FBXO21: variants seen among roughly 807,000 people sequenced by gnomAD.
The protein encoded by FBXO21 is F-box only protein 21.
FBXO21 carries 32 observed loss-of-function variants against 76.6 expected under a neutral mutation model. The ratio of observed to expected loss-of-function variants is 0.42; its 90% CI spans 0.32 to 0.56. The LOEUF (loss-of-function observed/expected upper bound fraction) is 0.56, where lower values mean the gene tolerates loss of function less well. Ranked by LOEUF, FBXO21 falls within the 20% of genes least tolerant of loss-of-function variation. The probability of loss-of-function intolerance (pLI) is 0.16; values close to 1 mark genes in which losing one functional copy is unlikely to be tolerated. For missense variants in FBXO21, 586 were observed against 797.3 expected (o/e 0.73, Z 3.19); for synonymous variants, 328 against 311.5 (o/e 1.05, Z -0.56).
At chr12:117,166,617 C>CA (rs1956056660) in intron 8 of FBXO21, among the ~76,000 whole-genome samples, 1 of 152,178 alleles carries the variant, frequency 6.6e-6, no homozygotes, top group Non-Finnish European at 1.5e-5. Context: ...GACTTAGAAA[C>CA]AAGACAGTTT....
rs371485880 is a variant in FBXO21 at position 117,146,035 on chromosome 12, G to A, written c.*52C>T. 88 of 1,455,402 alleles carry A rather than the reference G, an allele frequency of 6.0e-5. No homozygotes were observed. Among genetic ancestry groups the A allele is most frequent in the Non-Finnish European group, 7.4e-5 (80 of 1,083,912 alleles). 90.2% of individuals were successfully genotyped at this position (1,455,402 alleles called of 1,614,324 possible). A position where few individuals can be genotyped will look rare whatever the true frequency, so the allele number is the denominator to read the frequency against. ...TGGAGACGTCTTCTTCCGGAGTCCCGTTCTCTTGGAAGATAGCAGCAGCAG... is the reference window on the plus strand; with the variant it reads ...TGGAGACGTCTTCTTCCGGAGTCCCATTCTCTTGGAAGATAGCAGCAGCAG... On this transcript the variant is annotated 3_prime_UTR_variant, in exon 12 of 12. Transcript: ENST00000622495.
chr12:117,186,849 G>A (rs1444761539), intron 2 of FBXO21, among the ~76,000 whole-genome samples: 2 of 152,164 alleles, frequency 1.3e-5, no homozygotes, highest in African/African-American at 2.4e-5. Flanking sequence ...AGCTCTGGCC[G>A]GCCATAGTGG....
chr12:117,189,447 C>A (rs1400594188), intron 1 of FBXO21, 85 bp from the exon 2 acceptor site: 3 of 1,502,066 alleles, frequency 2.0e-6, no homozygotes, highest in Non-Finnish European at 2.8e-6. Context: ...GAAACAGGGA[C>A]AGCAGTGGCG....
intron 9 of FBXO21, among the ~76,000 whole-genome samples, chr12:117,162,212 A>T (rs1565999298): frequency 6.6e-6 from 1 of 152,170 alleles, no homozygotes; most frequent in Non-Finnish European, 1.5e-5. Flanking sequence ...AAAGGAAGAG[A>T]AAGAGGGAAA....
At chr12:117,154,673 C>G (rs1387262465) in intron 11 of FBXO21, among the ~76,000 whole-genome samples, 1 of 152,204 alleles carries the variant, frequency 6.6e-6, no homozygotes, top group African/African-American at 2.4e-5. Flanking sequence ...GTTGCCCAGG[C>G]TGGTCTCCAA....
At chr12:117,147,730 T>C (rs1347942251) in intron 11 of FBXO21, among the ~76,000 whole-genome samples, 5 of 152,334 alleles carry the variant, frequency 3.3e-5, no homozygotes, top group Non-Finnish European at 4.4e-5. Context: ...TGCGCCCTTC[T>C]TTGCCGCCCA....
chr12:117,155,794 G>C lies in FBXO21; in HGVS notation c.1672C>G (p.Gln558Glu), dbSNP rs1347154846. Residue 558 changes from glutamine (Q) to glutamate (E), a missense_variant, in exon 11 of 12, where the codon CAA becomes GAA. Around this residue, in one of 6 missense-constraint regions of FBXO21, gnomAD observed 164 missense variants for 236.7 expected, o/e 0.69. Coordinates refer to ENST00000622495, the MANE Select transcript of FBXO21 (RefSeq NM_015002.3). ...VEDGSCRYAA[Q>E]ENLEYNVEPQ... ...ACAAGCGGAACCCGCCGCTTACCTT[G>C]GGCTGCGTATCGACAGGAGCCGTCC... 6.2e-7 allele frequency: 1 copy of C among 1,613,000 alleles called. No homozygotes were observed. Among genetic ancestry groups the C allele is most frequent in the Non-Finnish European group, 8.5e-7 (1 of 1,179,500 alleles).
At chr12:117,188,108 G>C (rs953700548) in intron 2 of FBXO21, among the ~76,000 whole-genome samples, 1 of 152,082 alleles carries the variant, frequency 6.6e-6, no homozygotes, top group African/African-American at 2.4e-5. Context: ...GGAGTCTTTA[G>C]GAAAACAAAA....
chr12:117,165,272 C>A (rs1288413651), intron 9 of FBXO21, among the ~76,000 whole-genome samples: 1 of 151,950 alleles, frequency 6.6e-6, no homozygotes, highest in Non-Finnish European at 1.5e-5. Flanking sequence ...AAGGAGCTGA[C>A]CACAAAGAGA....
chr12:117,164,627 T>A (rs938161696), intron 9 of FBXO21, among the ~76,000 whole-genome samples: 1 of 152,174 alleles, frequency 6.6e-6, no homozygotes, highest in African/African-American at 2.4e-5. Flanking sequence ...GATGCATCAT[T>A]TCTTAGAACT....
chr12:117,169,486 A>T (rs1467318495), intron 7 of FBXO21, among the ~76,000 whole-genome samples: 1 of 152,250 alleles, frequency 6.6e-6, no homozygotes, highest in Non-Finnish European at 1.5e-5. Context: ...TTCTATTACA[A>T]CAAAAAAATA....
chr12:117,188,156 C>A (rs151296051), intron 2 of FBXO21, among the ~76,000 whole-genome samples: 6 of 152,256 alleles, frequency 3.9e-5, no homozygotes, highest in Non-Finnish European at 5.9e-5. Flanking sequence ...TTCTAGAACC[C>A]CAACCAGAAA....
At chr12:117,147,453 G>T (rs1474693344) in intron 11 of FBXO21, among the ~76,000 whole-genome samples, 1 of 151,266 alleles carries the variant, frequency 6.6e-6, no homozygotes, top group South Asian at 2.1e-4. Flanking sequence ...ACAAAAATTA[G>T]CTGGGCGTCA....
chr12:117,168,132 T>C (rs1046998231), intron 7 of FBXO21, among the ~76,000 whole-genome samples: 1 of 152,240 alleles, frequency 6.6e-6, no homozygotes, highest in Non-Finnish European at 1.5e-5. Flanking sequence ...TGTTTCATCT[T>C]ATATCTGAAG....
At chr12:117,155,990 C>G in intron 10 of FBXO21, 42 bp from the exon 11 acceptor site, 1 of 1,595,178 alleles carries the variant, frequency 6.3e-7, no homozygotes, top group Non-Finnish European at 8.6e-7. Context: ...GCAGACCCGG[C>G]CGCAACAACC....
chr12:117,151,301 C>A (rs1045584848), intron 11 of FBXO21, among the ~76,000 whole-genome samples: 1 of 151,918 alleles, frequency 6.6e-6, no homozygotes, highest in African/African-American at 2.4e-5. Context: ...TGTGGGAACA[C>A]AACATTACAC....
chr12:117,146,250 T>A lies in FBXO21; in HGVS notation c.1703A>T (p.Gln568Leu). The A allele has an allele frequency of 6.2e-7, 1 of 1,610,506 alleles. No individual in the cohort carries two copies. The change falls in exon 12 of 12, where the codon CAA becomes CTA. Residue 568 changes from glutamine to leucine, a missense_variant. Transcript: ENST00000622495. The stretch of plus-strand genomic sequence containing the variant: ...TCCCACGTCAGGGTGTGAGATTTCT[T>A]GAGGCTCCACGTTATATTCCAAGTT... ...QENLEYNVEP[Q>L]EISHPDVGRY...
chr12:117,158,253 A>G (rs1955939812), intron 9 of FBXO21, among the ~76,000 whole-genome samples, 190 bp from the exon 10 acceptor site: 1 of 152,210 alleles, frequency 6.6e-6, no homozygotes, highest in South Asian at 2.1e-4. Flanking sequence ...TCGGCACTGC[A>G]GATGCCCAGG....
intron 6 of FBXO21, 71 bp downstream of exon 6, chr12:117,174,134 C>T: frequency 7.8e-7 from 1 of 1,274,140 alleles, no homozygotes; most frequent in Non-Finnish European, 1.1e-6. Context: ...GAGACCCTGT[C>T]TCTAAAAACA....
Sources: allele counts gnomAD v4.1 joint callset (sites outside exome capture counted in the v4.1 genomes callset), GRCh38; gene constraint gnomAD v4.1.1; regional missense constraint gnomAD v4.1.1; transcripts MANE v1.5; gene names NCBI Gene and HGNC (gene_info 2026-07-23, HGNC 2026-07-21).